The following GRIA1 variants were observed in gnomAD, a reference collection of about 807,000 sequenced individuals.
The protein encoded by GRIA1 is glutamate ionotropic receptor AMPA type subunit 1.
A neutral mutation model predicts 99.2 loss-of-function variants in GRIA1; 31 were observed. The ratio of observed to expected loss-of-function variants is 0.31; its 90% confidence interval spans 0.23 to 0.42. The LOEUF (loss-of-function observed/expected upper bound fraction) is 0.42, where lower values mean the gene tolerates loss of function less well. GRIA1 is among the 10% of genes least tolerant of loss of function. The pLI is 1.00. For missense variants in GRIA1, 782 were observed against 1,157.5 expected (o/e 0.68, Z 4.71); for synonymous variants, 438 against 432.4 (o/e 1.01, Z -0.16).
chr5:153,495,941 T>A (rs1369209052), intron 2 of GRIA1, among the ~76,000 whole-genome samples: 2 of 152,256 alleles, frequency 1.3e-5, no homozygotes, highest in African/African-American at 4.8e-5. Context: ...ATAGCTTTTG[T>A]CATACTTTAT....
chr5:153,493,446 C>T (rs1754110439), intron 1 of GRIA1, among the ~76,000 whole-genome samples: 1 of 152,244 alleles, frequency 6.6e-6, no homozygotes, highest in Admixed American at 6.5e-5. Flanking sequence ...TGGAGAAGCC[C>T]ACAGGGTCCC....
In GRIA1 at chr5:153,674,395, G is replaced by T. The variant is rs188055399; in HGVS notation, c.700-105G>T. The T allele has an allele frequency of 3.2e-4, 404 of 1,256,812 alleles. 2 individuals are homozygous for T. The African/African-American group carries it at 5.4e-3, about 17-fold the overall frequency. 77.9% of individuals were successfully genotyped at this position (1,256,812 alleles called of 1,614,324 possible). A position where few individuals can be genotyped will look rare whatever the true frequency, so the allele number is the denominator to read the frequency against. On this transcript the variant is annotated intron_variant, in intron 5 of 15. Coordinates refer to ENST00000285900, the MANE Select transcript of GRIA1 (RefSeq NM_000827.4). ...GCCTAACTGTCTCTCCATTGAGTAG[G>T]TTTCATCTGGTGGAACTGAATGGAA... is the stretch of plus-strand genomic sequence containing the variant.
At chr5:153,639,381 A>G (rs911519418) in intron 2 of GRIA1, among the ~76,000 whole-genome samples, 2 of 152,072 alleles carry the variant, frequency 1.3e-5, no homozygotes, top group African/African-American at 4.8e-5. Context: ...CTTTCCCCCT[A>G]TACTGTGTCC....
At chr5:153,744,910 G>C (rs1208419568) in intron 11 of GRIA1, among the ~76,000 whole-genome samples, 1 of 152,220 alleles carries the variant, frequency 6.6e-6, no homozygotes, top group Non-Finnish European at 1.5e-5. Context: ...AATGAGAGGT[G>C]AGCGTAGGAA....
At chr5:153,509,888 C>T (rs1755896108) in intron 2 of GRIA1, among the ~76,000 whole-genome samples, 1 of 152,136 alleles carries the variant, frequency 6.6e-6, no homozygotes, top group Admixed American at 6.5e-5. Context: ...AAATGCCCTC[C>T]AGAGTCTTCA....
At chr5:153,727,092 C>T (rs1385295523) in intron 11 of GRIA1, among the ~76,000 whole-genome samples, 1 of 152,088 alleles carries the variant, frequency 6.6e-6, no homozygotes, top group African/African-American at 2.4e-5. Flanking sequence ...ATATGCAAAT[C>T]ACTAAATGTA....
In GRIA1 at chr5:153,795,563, A is replaced by G. The variant is rs769812181; in HGVS notation, c.2385+828A>G. 88 of 1,610,180 alleles carry G rather than the reference A, an allele frequency of 5.5e-5. No individual in the cohort carries two copies. Among genetic ancestry groups the G allele is most frequent in the Middle Eastern group, 4.9e-4 (3 of 6,070 alleles). On this transcript the variant is annotated intron_variant, in intron 14 of 15. Transcript: ENST00000285900. ...GCAAATGGTGGTACGATAAAGGGGAATGTGGAAGCAAGGACTCCGGAAGTA... is the reference window on the plus strand; with the variant it reads ...GCAAATGGTGGTACGATAAAGGGGAGTGTGGAAGCAAGGACTCCGGAAGTA...
chr5:153,583,353 T>C (rs1763208232), intron 2 of GRIA1, among the ~76,000 whole-genome samples: 1 of 152,204 alleles, frequency 6.6e-6, no homozygotes, highest in African/African-American at 2.4e-5. Flanking sequence ...GATAGAAGTC[T>C]GAAATGAAAG....
chr5:153,804,729 A>AT (rs1561874859), intron 15 of GRIA1, among the ~76,000 whole-genome samples: 986 of 35,822 alleles, frequency 0.028, 4 homozygotes, highest in Middle Eastern at 0.059. Context: ...TAATTAATTA[A>AT]TTAATTTATT....
At chr5:153,786,296 C>A (rs1168519146) in intron 13 of GRIA1, among the ~76,000 whole-genome samples, 2 of 152,024 alleles carry the variant, frequency 1.3e-5, no homozygotes, top group African/African-American at 4.8e-5. Context: ...CGAAGGTCCC[C>A]TCATCATGAC....
At chr5:153,509,702 C>T (rs959647888) in intron 2 of GRIA1, among the ~76,000 whole-genome samples, 7 of 152,124 alleles carry the variant, frequency 4.6e-5, no homozygotes, top group African/African-American at 1.7e-4. Context: ...CTCTCAAAGC[C>T]TTGGTTTTTA....
intron 8 of GRIA1, among the ~76,000 whole-genome samples, chr5:153,693,601 T>A (rs983333991): frequency 6.6e-6 from 1 of 152,198 alleles, no homozygotes; most frequent in African/African-American, 2.4e-5. Flanking sequence ...TTAAAAAATC[T>A]GATCTGTCAT....
chr5:153,550,223 A>G (rs557597058), intron 2 of GRIA1, among the ~76,000 whole-genome samples: 2 of 152,114 alleles, frequency 1.3e-5, no homozygotes, highest in South Asian at 4.2e-4. Context: ...ATGCTAAGAT[A>G]TGTTCATTTC....
At chr5:153,573,755 T>A (rs890778074) in intron 2 of GRIA1, among the ~76,000 whole-genome samples, 22 of 152,238 alleles carry the variant, frequency 1.4e-4, no homozygotes, top group African/African-American at 4.6e-4. Flanking sequence ...ATCCCAAAGG[T>A]AATGGAGGAG....
chr5:153,525,944 A>G (rs1167963419), intron 2 of GRIA1, among the ~76,000 whole-genome samples: 1 of 152,220 alleles, frequency 6.6e-6, no homozygotes, highest in Non-Finnish European at 1.5e-5. Flanking sequence ...AATCAGGATG[A>G]AAGTCAAGTT....
At chr5:153,619,878 T>C (rs1200018555) in intron 2 of GRIA1, among the ~76,000 whole-genome samples, 1 of 152,184 alleles carries the variant, frequency 6.6e-6, no homozygotes, top group East Asian at 1.9e-4. Context: ...GACTCAGCCT[T>C]ACTGTGTGAC....
chr5:153,741,623 A>G lies in GRIA1; in HGVS notation c.1824-22811A>G, dbSNP rs6878074. Among the ~76,000 whole-genome samples the G allele has an allele frequency of 5.1e-4, 78 of 152,338 alleles. 1 individual carries two copies. In the South Asian group the frequency reaches 0.013, roughly 26 times the overall value. The stretch of plus-strand genomic sequence containing the variant: ...ACAACAACATGGATGAACCTTGAGG[A>G]CATTATGCTAAGTGAAATAAGCCAG... On this transcript the variant is annotated intron_variant, in intron 11 of 15. Transcript: ENST00000285900.
At chr5:153,534,414 T>C (rs1758370245) in intron 2 of GRIA1, among the ~76,000 whole-genome samples, 2 of 152,082 alleles carry the variant, frequency 1.3e-5, no homozygotes, top group South Asian at 4.1e-4. Flanking sequence ...AAACTCAACC[T>C]GAAAAAAATG....
intron 12 of GRIA1, among the ~76,000 whole-genome samples, chr5:153,769,957 C>T (rs1477931712): frequency 6.6e-6 from 1 of 152,084 alleles, no homozygotes. Flanking sequence ...CTGAGCTATT[C>T]TGTTCATTCT....
Sources: gnomAD v4.1 joint callset for allele counts (sites outside exome capture counted in the v4.1 genomes callset) on GRCh38, gnomAD v4.1.1 for gene constraint, MANE v1.5 for transcripts, NCBI Gene and HGNC (gene_info 2026-07-23, HGNC 2026-07-21) for gene names.